Variants in ATP9B observed in about 807,000 individuals in gnomAD.
The protein encoded by ATP9B is probable phospholipid-transporting ATPase IIB.
ATP9B carries 110 observed loss-of-function variants against 146.1 expected under a neutral mutation model. The ratio of observed to expected loss-of-function variants is 0.75; its 90% confidence interval spans 0.65 to 0.88. The LOEUF (loss-of-function observed/expected upper bound fraction) is 0.88. Ranked by LOEUF, ATP9B falls within the 40% of genes least tolerant of loss-of-function variation. ATP9B has a pLI of 0.00. For missense variants in ATP9B, 1,499 were observed against 1,496.4 expected, an observed-to-expected ratio of 1.00 and a Z score of -0.03; for synonymous variants, 604 against 569.7, an observed-to-expected ratio of 1.06 and a Z score of -0.86.
chr18:79,084,849 C>T (rs1328028509), intron 1 of ATP9B, among the ~76,000 whole-genome samples: 3 of 151,972 alleles, frequency 2.0e-5, no homozygotes, highest in Admixed American at 1.3e-4. Context: ...TAAAAGATAA[C>T]GTTGGTTAGT....
At chr18:79,323,658 G>C (rs1599975535) in intron 15 of ATP9B, among the ~76,000 whole-genome samples, 1 of 152,184 alleles carries the variant, frequency 6.6e-6, no homozygotes, top group South Asian at 2.1e-4. Flanking sequence ...AGTGATGGCT[G>C]AATAATACTC....
At chr18:79,270,979 G>T (rs1298452427) in intron 12 of ATP9B, among the ~76,000 whole-genome samples, 1 of 152,158 alleles carries the variant, frequency 6.6e-6, no homozygotes, top group Non-Finnish European at 1.5e-5. Flanking sequence ...TAAGCAGAAG[G>T]CCGGGAGTTG....
intron 21 of ATP9B, 113 bp downstream of exon 21, chr18:79,344,467 T>A (rs2147455376): frequency 1.3e-6 from 1 of 785,274 alleles, no homozygotes; most frequent in South Asian, 1.5e-5. Flanking sequence ...AGTGAGTACA[T>A]GTCTGTCTGT....
chr18:79,371,865 T>C (rs919507672), intron 26 of ATP9B, among the ~76,000 whole-genome samples: 4 of 152,232 alleles, frequency 2.6e-5, no homozygotes, highest in Non-Finnish European at 5.9e-5. Flanking sequence ...GGGCAGGACT[T>C]TGGGCTCTGA....
intron 8 of ATP9B, 117 bp downstream of exon 8, chr18:79,177,024 T>C (rs1001168475): frequency 4.8e-6 from 4 of 834,530 alleles, no homozygotes; most frequent in Non-Finnish European, 7.2e-6. Context: ...TGTTTTATAA[T>C]TTCTTTATTC....
At chr18:79,230,736 T>C (rs1008872571) in intron 11 of ATP9B, among the ~76,000 whole-genome samples, 1 of 151,884 alleles carries the variant, frequency 6.6e-6, no homozygotes, top group African/African-American at 2.4e-5. Flanking sequence ...AAAATTCATA[T>C]GGAACCAAAA....
intron 6 of ATP9B, chr18:79,144,795 A>G (rs1306845479): frequency 1.3e-5 from 2 of 151,918 alleles, no homozygotes; most frequent in Non-Finnish European, 2.9e-5. Context: ...ATCCCCATCT[A>G]TGGAACCCGT....
rs565535263 is a variant in ATP9B at position 79,274,890 on chromosome 18, C to T, written c.1269-2164C>T. 1.2e-4 allele frequency among the ~76,000 whole-genome samples: 19 copies of T among 152,318 alleles called. No individual in the cohort carries two copies. In the East Asian group the frequency reaches 3.5e-3, roughly 28 times the overall value. On this transcript the variant is annotated intron_variant, in intron 12 of 29. Coordinates refer to ENST00000426216, the MANE Select transcript of ATP9B (RefSeq NM_198531.5). ...AATATTCCATGATACAACAGCTCCG[C>T]GTAAGTCTAACCACGGAAACGGTTT...
At chr18:79,274,176 G>T (rs35190220) in intron 12 of ATP9B, among the ~76,000 whole-genome samples, 64,202 of 151,852 alleles carry the variant, frequency 0.42, 13,932 homozygotes, top group Middle Eastern at 0.55. Flanking sequence ...TTGAGGGGGG[G>T]TGACATATTA....
intron 26 of ATP9B, among the ~76,000 whole-genome samples, chr18:79,369,712 G>A (rs544532330): frequency 5.6e-4 from 86 of 152,306 alleles, no homozygotes; most frequent in Non-Finnish European, 2.6e-4. Context: ...CGCCACACGC[G>A]CATCAGCGTG....
chr18:79,119,371 C>T (rs1182045313), intron 4 of ATP9B, among the ~76,000 whole-genome samples: 4 of 152,170 alleles, frequency 2.6e-5, no homozygotes, highest in Admixed American at 2.6e-4. Flanking sequence ...AAACGTTTCT[C>T]TGTTTTTTCT....
chr18:79,125,081 G>T (rs2094259382), intron 4 of ATP9B, among the ~76,000 whole-genome samples: 1 of 152,202 alleles, frequency 6.6e-6, no homozygotes, highest in African/African-American at 2.4e-5. Flanking sequence ...CCTTACTTGA[G>T]AATAGTTTTA....
Position 79,197,308 on chromosome 18 carries a change from CTGTT to C in ATP9B, c.954+4048_954+4051del, listed in dbSNP as rs1273504584. ...AGACACTGCATATCAGAATCTGAAT[CTGTT>C]TGATATGTTTGGAAATAGGAAAATT... On this transcript the variant is annotated intron_variant, in intron 9 of 29. Transcript: ENST00000426216. Among the ~76,000 whole-genome samples, 5 of 151,676 alleles carry C rather than the reference CTGTT, an allele frequency of 3.3e-5. No individual in the cohort carries two copies. In the South Asian group the frequency reaches 6.2e-4, roughly 19 times the overall value.
intron 19 of ATP9B, among the ~76,000 whole-genome samples, chr18:79,337,954 G>A (rs1438704473): frequency 1.3e-5 from 2 of 152,192 alleles, no homozygotes; most frequent in African/African-American, 4.8e-5. Context: ...AGGGGTCTCT[G>A]TGCCTCCCCT....
chr18:79,318,241 G>T (rs1568665800), intron 15 of ATP9B, among the ~76,000 whole-genome samples: 2 of 152,222 alleles, frequency 1.3e-5, no homozygotes, highest in African/African-American at 4.8e-5. Flanking sequence ...CAAAGAGCAT[G>T]GTGTGAAAAG....
intron 7 of ATP9B, among the ~76,000 whole-genome samples, chr18:79,169,280 T>C (rs2095033487): frequency 6.6e-6 from 1 of 152,224 alleles, no homozygotes; most frequent in African/African-American, 2.4e-5. Flanking sequence ...TTCTAGAACC[T>C]CTTATTTTCT....
chr18:79,374,943 G>GAC (rs1002230234), intron 28 of ATP9B, among the ~76,000 whole-genome samples: 2 of 152,230 alleles, frequency 1.3e-5, no homozygotes, highest in African/African-American at 2.4e-5. Context: ...GACTCACCAC[G>GAC]ACTTTGAGCC....
intron 4 of ATP9B, 151 bp from the exon 5 acceptor site, chr18:79,126,116 C>A: frequency 1.7e-6 from 1 of 591,366 alleles, no homozygotes; most frequent in Non-Finnish European, 2.9e-6. Context: ...TGTAATATTT[C>A]ATTGTTACTT....
At position 79,336,497 on chromosome 18, in the gene ATP9B, C is replaced by G. The variant is rs548699438; in HGVS notation, c.2029-131C>G. 2.6e-4 allele frequency: 194 copies of G among 739,314 alleles called. 1 individual carries two copies. Among genetic ancestry groups the G allele is most frequent in the South Asian group, 7.4e-4 (44 of 59,402 alleles). The allele number at this position is 739,314 out of a possible 1,614,324, so 45.8% of individuals were successfully genotyped here. On this transcript the variant is annotated intron_variant, in intron 17 of 29. Coordinates refer to ENST00000426216, the MANE Select transcript of ATP9B (RefSeq NM_198531.5). The stretch of plus-strand genomic sequence containing the variant: ...GTCCCTCTGCTGAGTTGTCTCTGGC[C>G]TTGGTGATGAAGGTGGGCACAGGAC...
Sources: allele counts gnomAD v4.1 joint callset (sites outside exome capture counted in the v4.1 genomes callset), GRCh38; gene constraint gnomAD v4.1.1; transcripts MANE v1.5; gene names NCBI Gene and HGNC (gene_info 2026-07-23, HGNC 2026-07-21).